The following ANKMY1 variants were observed in gnomAD, a reference collection of about 807,000 sequenced individuals.
ANKMY1 encodes the protein ankyrin repeat and MYND domain containing 1.
ANKMY1 carries 98 observed loss-of-function variants against 102.0 expected under a neutral mutation model. The observed-to-expected ratio is 0.96, with a 90% CI of 0.82 to 1.14. The LOEUF (loss-of-function observed/expected upper bound fraction) is 1.14, where lower values mean the gene tolerates loss of function less well. Ranked by LOEUF, ANKMY1 falls within the 50% of genes most tolerant of loss-of-function variation. The pLI, the probability that ANKMY1 is intolerant of heterozygous loss-of-function variation, is 0.00. For missense variants in ANKMY1, 1,330 were observed against 1,347.6 expected (o/e 0.99, Z 0.20); for synonymous variants, 582 against 559.9 (o/e 1.04, Z -0.56).
chr2:240,556,706 C>T (rs1451254535), intron 2 of ANKMY1, among the ~76,000 whole-genome samples: 1 of 152,214 alleles, frequency 6.6e-6, no homozygotes, highest in Non-Finnish European at 1.5e-5. Flanking sequence ...CCCCACTAGA[C>T]TTTGGGCACT....
intron 2 of ANKMY1, 42 bp from the exon 3 acceptor site, chr2:240,555,097 G>A: frequency 6.2e-7 from 1 of 1,602,194 alleles, no homozygotes; most frequent in Non-Finnish European, 8.5e-7. Flanking sequence ...TGAAGTGGCT[G>A]CAGTGCCTTC....
At chr2:240,526,601 C>T (rs1384298612) in intron 5 of ANKMY1, 156 bp from the exon 6 acceptor site, 3 of 1,464,924 alleles carry the variant, frequency 2.0e-6, no homozygotes, top group Non-Finnish European at 2.7e-6. Context: ...GCAGCTGCAC[C>T]CGCAGCTGCT....
chr2:240,532,985 G>T (rs1032711444), intron 4 of ANKMY1, among the ~76,000 whole-genome samples: 1 of 152,238 alleles, frequency 6.6e-6, no homozygotes, highest in African/African-American at 2.4e-5. Context: ...TAGGATTACA[G>T]GCATGGGCCC....
chr2:240,481,193 T>C, intron 16 of ANKMY1, 96 bp from the exon 17 acceptor site: 1 of 1,475,432 alleles, frequency 6.8e-7, no homozygotes. Flanking sequence ...CCTGAGCTCC[T>C]GGGCTATTCC....
downstream of ANKMY1, among the ~76,000 whole-genome samples, chr2:240,475,531 TTAAA>T (rs1424037098): frequency 6.6e-6 from 1 of 152,042 alleles, no homozygotes; most frequent in Non-Finnish European, 1.5e-5. Context: ...GCTTAAATAC[TTAAA>T]TAAAATACTT....
intron 4 of ANKMY1, among the ~76,000 whole-genome samples, chr2:240,538,356 G>A (rs551860861): frequency 2.6e-5 from 4 of 152,132 alleles, no homozygotes; most frequent in African/African-American, 9.7e-5. Context: ...GCGTGGGCTC[G>A]GGGGGCCCAC....
At chr2:240,517,750 G>A (rs2081434202) in intron 9 of ANKMY1, among the ~76,000 whole-genome samples, 1 of 152,106 alleles carries the variant, frequency 6.6e-6, no homozygotes, top group African/African-American at 2.4e-5. Context: ...AGGCTGCAGT[G>A]AGCCATGATT....
chr2:240,472,874 C>CA, the ANKMY1 span, among the ~76,000 whole-genome samples: 1 of 152,168 alleles, frequency 6.6e-6, no homozygotes, highest in Non-Finnish European at 1.5e-5. Flanking sequence ...CCTGTCATCC[C>CA]AGCACTTTGG....
At chr2:240,508,915 T>C (rs1484462983) in intron 12 of ANKMY1, among the ~76,000 whole-genome samples, 1 of 149,570 alleles carries the variant, frequency 6.7e-6, no homozygotes, top group Non-Finnish European at 1.5e-5. Context: ...GGTGAATGAA[T>C]GGATGGGTGA....
chr2:240,560,766 C>T (rs112543214), upstream of ANKMY1: 315 of 1,470,208 alleles, frequency 2.1e-4, 3 homozygotes, highest in East Asian at 8.0e-3. Flanking sequence ...CTCACTCTTC[C>T]TCGGGAGCGC....
At chr2:240,469,899 T>C in the ANKMY1 span, among the ~76,000 whole-genome samples, 3 of 151,108 alleles carry the variant, frequency 2.0e-5, no homozygotes, top group Non-Finnish European at 2.9e-5. Flanking sequence ...TGCACACACA[T>C]CCTCCTGCAC....
intron 3 of ANKMY1, 68 bp from the exon 4 acceptor site, chr2:240,553,125 G>A (rs914370048): frequency 6.4e-7 from 1 of 1,556,762 alleles, no homozygotes; most frequent in Non-Finnish European, 8.7e-7. Flanking sequence ...CCTTGAGGCT[G>A]AGCCACCATG....
chr2:240,520,554 G>A lies in ANKMY1; in HGVS notation c.1833-21C>T, dbSNP rs764972182. ...TCCGCCTGAAAAAGACGGTGCGCCCGTGGGCCCCTGGAGGGCAGGCACCTG... is the reference window on the plus strand; with the variant it reads ...TCCGCCTGAAAAAGACGGTGCGCCCATGGGCCCCTGGAGGGCAGGCACCTG... On this transcript the variant is annotated intron_variant, in intron 8 of 17. Coordinates refer to ENST00000401804, the MANE Select transcript of ANKMY1 (RefSeq NM_001282771.3). This position sits in a 1 kb window ranked among gnomAD's most constrained non-coding sequence, Gnocchi z 4.8. 2.5e-6 allele frequency: 4 copies of A among 1,601,708 alleles called. No individual in the cohort carries two copies. Among genetic ancestry groups the A allele is most frequent in the South Asian group, 2.2e-5 (2 of 89,176 alleles).
rs4676433 is a variant in ANKMY1 at position 240,514,901 on chromosome 2, G to A, written c.2005-1959C>T. 5.6e-3 allele frequency among the ~76,000 whole-genome samples: 856 copies of A among 152,370 alleles called. 20 individuals are homozygous for A. Among genetic ancestry groups the A allele is most frequent in the Admixed American group, 0.045 (693 of 15,302 alleles). ...CCAGCCACCTCCCTGGGTTACCAGT[G>A]GATGGGCATGCATGGGCATGAGCAC... On this transcript the variant is annotated intron_variant, in intron 9 of 17. Coordinates refer to ENST00000401804, the MANE Select transcript of ANKMY1 (RefSeq NM_001282771.3).
At chr2:240,528,296 C>G (rs563777105) in intron 5 of ANKMY1, among the ~76,000 whole-genome samples, 1 of 133,468 alleles carries the variant, frequency 7.5e-6, no homozygotes, top group Non-Finnish European at 1.7e-5. Flanking sequence ...TGCCCCCACC[C>G]CCCCCCCAAA....
In ANKMY1 at chr2:240,557,179, GT is replaced by G. The variant is rs779561402; in HGVS notation, c.146+10del. ...CAGGGTCGGACCTCCCCGCTGGAGGGTCCCCCGCACCTTGTGGCGAAGACAG... is the reference window on the plus strand; with the variant it reads ...CAGGGTCGGACCTCCCCGCTGGAGGGCCCCCGCACCTTGTGGCGAAGACAG... On this transcript the variant is annotated intron_variant, in intron 2 of 17. Transcript: ENST00000401804. The G allele has an allele frequency of 4.0e-6, 6 of 1,481,632 alleles. No individual in the cohort carries two copies. The highest frequency in any genetic ancestry group is 1.4e-5 in the African/African-American group (1 of 69,970). 91.8% of individuals were successfully genotyped at this position (1,481,632 alleles called of 1,614,324 possible). A position where few individuals can be genotyped will look rare whatever the true frequency, so the allele number is the denominator to read the frequency against.
Position 240,509,505 on chromosome 2 carries a change from G to C in ANKMY1, c.2287-50C>G, listed in dbSNP as rs140565199. 5.0e-5 allele frequency: 63 copies of C among 1,269,370 alleles called. No individual in the cohort carries two copies. In the African/African-American group the frequency reaches 8.8e-4, roughly 18 times the overall value. 78.6% of individuals were successfully genotyped at this position (1,269,370 alleles called of 1,614,324 possible). ...AGAGAGGCACCCCCACCCATAAGCAGCACCTGATGGTAGTCATTAATTTAA... is the reference window on the plus strand; with the variant it reads ...AGAGAGGCACCCCCACCCATAAGCACCACCTGATGGTAGTCATTAATTTAA... On this transcript the variant is annotated intron_variant, in intron 11 of 17. Transcript: ENST00000401804.
At chr2:240,496,380 ATAGATAG>A (rs2077265980) in intron 15 of ANKMY1, among the ~76,000 whole-genome samples, 1 of 151,772 alleles carries the variant, frequency 6.6e-6, no homozygotes, top group Non-Finnish European at 1.5e-5. Flanking sequence ...AGATAGATAG[ATAGATAG>A]ATAGATAGAT....
At chr2:240,530,657 ACAC>A (rs2152435038) in intron 4 of ANKMY1, among the ~76,000 whole-genome samples, 1 of 152,298 alleles carries the variant, frequency 6.6e-6, no homozygotes, top group African/African-American at 2.4e-5. Flanking sequence ...ATGGCCTAAT[ACAC>A]CACCCATGCT....
Sources: allele counts gnomAD v4.1 joint callset (sites outside exome capture counted in the v4.1 genomes callset), GRCh38; gene constraint gnomAD v4.1.1; non-coding constraint Gnocchi (gnomAD v3.1); transcripts MANE v1.5; gene names NCBI Gene and HGNC (gene_info 2026-07-23, HGNC 2026-07-21).